Variants in PTPRS observed in about 807,000 individuals in gnomAD.
The protein encoded by PTPRS is protein tyrosine phosphatase receptor type S, also known as receptor-type tyrosine-protein phosphatase S.
A neutral mutation model predicts 215.3 loss-of-function variants in PTPRS; 63 were observed. That is an observed-to-expected ratio of 0.29 (90% CI 0.24 to 0.36). The LOEUF (loss-of-function observed/expected upper bound fraction) is 0.36, where lower values mean the gene tolerates loss of function less well. PTPRS is among the 10% of genes least tolerant of loss of function. The pLI is 1.00. For synonymous variants in PTPRS, 1,404 were observed against 1,191.4 expected, an observed-to-expected ratio of 1.18 and a Z score of -3.68; for missense variants, 2,258 against 2,825.8, an observed-to-expected ratio of 0.80 and a Z score of 4.56.
Position 5,222,801 on chromosome 19 carries a change from C to T in PTPRS, c.2991G>A (p.Leu997=), listed in dbSNP as rs923571606. 1.3e-6 allele frequency: 2 copies of T among 1,598,160 alleles called. No homozygotes were observed. The highest frequency in any genetic ancestry group is 1.7e-6 in the Non-Finnish European group (2 of 1,178,454). The change falls in exon 18 of 38, where the codon CTG becomes CTA. Residue 997 remains leucine (L), a synonymous_variant. Transcript: ENST00000262963. ...AGGCCGTGTCGGGCTTCAGGCCCTG[C>T]AGCGTGAGCGCGTTCTCCGCGCCCG... The part of the protein sequence containing the change: ...AEPGAENALT[L]QGLKPDTAYD...
chr19:5,308,835 A>C (rs915716841), intron 1 of PTPRS, among the ~76,000 whole-genome samples: 4 of 152,250 alleles, frequency 2.6e-5, no homozygotes, highest in Non-Finnish European at 4.4e-5. Context: ...TGCCTGGCCA[A>C]GCGCAAGTGG....
rs533685228 is a variant in PTPRS, at chr19:5,214,373, G to A, written c.4602C>T (p.Phe1534=). 1.2e-5 allele frequency: 19 copies of A among 1,614,138 alleles called. No individual in the cohort carries two copies. In the South Asian group the frequency reaches 1.8e-4, roughly 15 times the overall value. ...GCCTGGGCCCCACCTTGTGCAGAGAGAATGTCCTGACGCAGAATGTGGCCA... is the reference window on the plus strand; with the variant it reads ...GCCTGGGCCCCACCTTGTGCAGAGAAAATGTCCTGACGCAGAATGTGGCCA... ...IELATFCVRT[F]SLHKNGSSEK... Residue 1534 remains phenylalanine (F), a synonymous_variant, in exon 30 of 38, where the codon TTC becomes TTT. Coordinates refer to ENST00000262963, the MANE Select transcript of PTPRS (RefSeq NM_002850.4).
chr19:5,227,233 G>T (rs531603547), intron 16 of PTPRS, among the ~76,000 whole-genome samples: 1 of 152,044 alleles, frequency 6.6e-6, no homozygotes, highest in African/African-American at 2.4e-5. Flanking sequence ...TATATTTTTT[G>T]TAGAGATGGG....
At chr19:5,231,021 C>G (rs1226233215) in intron 14 of PTPRS, among the ~76,000 whole-genome samples, 10 of 152,250 alleles carry the variant, frequency 6.6e-5, no homozygotes, top group Non-Finnish European at 2.9e-5. Flanking sequence ...TCCTCCACCC[C>G]ATTTCCAAAG....
intron 1 of PTPRS, among the ~76,000 whole-genome samples, chr19:5,332,898 C>T (rs902139988): frequency 1.3e-5 from 2 of 152,222 alleles, no homozygotes; most frequent in Non-Finnish European, 2.9e-5. Flanking sequence ...CCTGTAATCC[C>T]GGCACTTTGG....
intron 2 of PTPRS, among the ~76,000 whole-genome samples, chr19:5,282,861 A>C (rs1033586101): frequency 1.3e-5 from 2 of 151,708 alleles, no homozygotes; most frequent in Non-Finnish European, 2.9e-5. Flanking sequence ...CAGAGACAGG[A>C]TTCCAACCCA....
chr19:5,206,184 T>C lies in PTPRS; in HGVS notation c.*590A>G, dbSNP rs535767617. ...AAAAATAGACTGTCTTTGAACAGAA[T>C]ATGAATAAGCCAAAGTTAGTTCTCT... On this transcript the variant is annotated 3_prime_UTR_variant, in exon 38 of 38. Transcript: ENST00000262963. 5.4e-5 allele frequency among the ~76,000 whole-genome samples: 8 copies of C among 149,464 alleles called. No homozygotes were observed. In the East Asian group the frequency reaches 1.2e-3, roughly 22 times the overall value.
chr19:5,327,952 G>A (rs1391924870), intron 1 of PTPRS, among the ~76,000 whole-genome samples: 4 of 152,006 alleles, frequency 2.6e-5, no homozygotes, highest in African/African-American at 9.7e-5. Flanking sequence ...CTTTCTGGGG[G>A]TCCCCAGACC....
intron 1 of PTPRS, among the ~76,000 whole-genome samples, chr19:5,310,033 G>C (rs1271506967): frequency 6.6e-6 from 1 of 152,058 alleles, no homozygotes; most frequent in Non-Finnish European, 1.5e-5. Flanking sequence ...AACCTGCTCT[G>C]TCCTCTCCCT....
chr19:5,312,111 G>T (rs2049724727), intron 1 of PTPRS, among the ~76,000 whole-genome samples: 2 of 152,008 alleles, frequency 1.3e-5, no homozygotes, highest in Admixed American at 1.3e-4. Context: ...GCCTGTGTGT[G>T]AACGAGCCCT....
At chr19:5,309,209 G>C (rs985864232) in intron 1 of PTPRS, among the ~76,000 whole-genome samples, 1 of 152,136 alleles carries the variant, frequency 6.6e-6, no homozygotes, top group Non-Finnish European at 1.5e-5. Context: ...CCTTAGTGGG[G>C]TTGAGCCTGT....
intron 37 of PTPRS, 93 bp from the exon 38 acceptor site, chr19:5,206,935 C>T (rs1452836429): frequency 1.7e-6 from 2 of 1,145,966 alleles, no homozygotes; most frequent in African/African-American, 3.1e-5. Context: ...AGCTCCTCAG[C>T]CTTGTGCGTG....
chr19:5,231,222 C>G, intron 14 of PTPRS, 88 bp downstream of exon 14: 1 of 1,390,952 alleles, frequency 7.2e-7, no homozygotes, highest in Non-Finnish European at 9.6e-7. Context: ...GCCCTTTGAC[C>G]ACCAGCCCAG....
chr19:5,236,090 G>A (rs573474903), intron 13 of PTPRS, among the ~76,000 whole-genome samples: 5 of 152,164 alleles, frequency 3.3e-5, no homozygotes, highest in African/African-American at 9.6e-5. Flanking sequence ...CTCCCCACCC[G>A]CCACCCCGCG....
chr19:5,274,412 C>A, intron 2 of PTPRS, 68 bp from the exon 3 acceptor site: 18 of 1,502,562 alleles, frequency 1.2e-5, no homozygotes, highest in Non-Finnish European at 1.6e-5. Flanking sequence ...TACCAAGGAG[C>A]CACGAAAACC....
intron 2 of PTPRS, among the ~76,000 whole-genome samples, chr19:5,277,397 T>A (rs1414445606): frequency 6.6e-6 from 1 of 152,094 alleles, no homozygotes; most frequent in Non-Finnish European, 1.5e-5. Flanking sequence ...GGCTCATGCC[T>A]GTAATCCCAG....
chr19:5,206,853 A>G lies in PTPRS; in HGVS notation c.5779-11T>C. The stretch of plus-strand genomic sequence containing the variant: ...GAACTGGTACTCATCCTGGGGGAGC[A>G]GAGGTGACCTGTTAGTACCTCCGCT... On this transcript the variant is annotated splice_polypyrimidine_tract_variant and intron_variant, in intron 37 of 37. Coordinates refer to ENST00000262963, the MANE Select transcript of PTPRS (RefSeq NM_002850.4). 6.2e-7 allele frequency: 1 copy of G among 1,613,814 alleles called. No individual in the cohort carries two copies. The highest frequency in any genetic ancestry group is 8.5e-7 in the Non-Finnish European group (1 of 1,179,744).
chr19:5,229,432 C>T, intron 15 of PTPRS, 59 bp downstream of exon 15: 1 of 1,362,030 alleles, frequency 7.3e-7, no homozygotes. Flanking sequence ...GTGGGGGGAG[C>T]GCAAGGGCCC....
intron 24 of PTPRS, 72 bp downstream of exon 24, chr19:5,218,715 G>C: frequency 6.3e-7 from 1 of 1,580,866 alleles, no homozygotes; most frequent in Non-Finnish European, 8.7e-7. Flanking sequence ...CTCTCCTGTG[G>C]GCACACTATC....
Sources: allele counts gnomAD v4.1 joint callset (sites outside exome capture counted in the v4.1 genomes callset), GRCh38; gene constraint gnomAD v4.1.1; transcripts MANE v1.5; gene names NCBI Gene and HGNC (gene_info 2026-07-23, HGNC 2026-07-21).